Variants in PTPRT observed in about 807,000 individuals in gnomAD.
The protein encoded by PTPRT is receptor-type tyrosine-protein phosphatase T.
A neutral mutation model predicts 176.8 loss-of-function variants in PTPRT; 56 were observed. The observed-to-expected ratio is 0.32, with a 90% CI of 0.26 to 0.40. The LOEUF is 0.40. Among genes scored for constraint, PTPRT ranks in the 10% least tolerant of loss-of-function variants. The pLI is 1.00. For synonymous variants in PTPRT, 783 were observed against 739.0 expected (o/e 1.06, Z -0.96); for missense variants, 1,540 against 1,908.2 (o/e 0.81, Z 3.60).
chr20:43,055,342 C>T (rs1053817239), intron 1 of PTPRT, among the ~76,000 whole-genome samples: 5 of 152,194 alleles, frequency 3.3e-5, no homozygotes, highest in Non-Finnish European at 7.3e-5. Flanking sequence ...GCTTGGCCTC[C>T]TTCAGTTCCT....
rs80115076 is a variant in PTPRT, at chr20:42,203,339, G to A, written c.2343-3951C>T. ...TACCTCATTATTTTTCTCTCTCAAC[G>A]AAAGAGAAACCCAAATCTGTGAATA... On this transcript the variant is annotated intron_variant, in intron 15 of 30. Transcript: ENST00000373187. Among the ~76,000 whole-genome samples, 257 of 152,140 alleles carry A rather than the reference G, an allele frequency of 1.7e-3. 1 individual carries two copies. The highest frequency in any genetic ancestry group is 2.3e-3 in the Non-Finnish European group (159 of 67,994).
At chr20:43,093,144 A>T (rs1403617739) in intron 1 of PTPRT, among the ~76,000 whole-genome samples, 1 of 152,238 alleles carries the variant, frequency 6.6e-6, no homozygotes, top group Non-Finnish European at 1.5e-5. Context: ...AAAAACAAAC[A>T]TTAAAAGAAA....
At chr20:43,139,759 G>T (rs1003702600) in intron 1 of PTPRT, among the ~76,000 whole-genome samples, 1 of 152,300 alleles carries the variant, frequency 6.6e-6, no homozygotes. Flanking sequence ...AGAGCCCCAA[G>T]TTGGTGTTCC....
intron 9 of PTPRT, among the ~76,000 whole-genome samples, chr20:42,444,668 T>C (rs913123152): frequency 1.3e-5 from 2 of 152,186 alleles, no homozygotes; most frequent in African/African-American, 4.8e-5. Context: ...CCACAGACAA[T>C]CCTGAATTTC....
chr20:42,389,273 A>T, intron 9 of PTPRT, among the ~76,000 whole-genome samples: 1 of 146,858 alleles, frequency 6.8e-6, no homozygotes, highest in Non-Finnish European at 1.5e-5. Flanking sequence ...CTTAAAGTAT[A>T]AAAAAAAAAA....
intron 13 of PTPRT, among the ~76,000 whole-genome samples, chr20:42,269,753 C>A (rs768088264): frequency 7.9e-5 from 12 of 152,196 alleles, no homozygotes; most frequent in East Asian, 1.9e-4. Flanking sequence ...CGGTCTACAA[C>A]GTAAATGGTG....
intron 16 of PTPRT, among the ~76,000 whole-genome samples, chr20:42,185,769 A>G (rs992095990): frequency 1.3e-5 from 2 of 152,190 alleles, no homozygotes; most frequent in Non-Finnish European, 2.9e-5. Flanking sequence ...CCCATCTGTC[A>G]ACAAGAGTTT....
intron 29 of PTPRT, among the ~76,000 whole-genome samples, chr20:42,083,670 T>A (rs1242900427): frequency 6.6e-6 from 1 of 152,186 alleles, no homozygotes; most frequent in East Asian, 1.9e-4. Context: ...CTGAGGTCAG[T>A]CAGATGTTAT....
chr20:42,405,689 A>G (rs1043126127), intron 9 of PTPRT, among the ~76,000 whole-genome samples: 1 of 152,138 alleles, frequency 6.6e-6, no homozygotes, highest in Non-Finnish European at 1.5e-5. Flanking sequence ...ATGATTTATA[A>G]TCCTTTGGGT....
chr20:42,224,758 C>T (rs1197809911), intron 15 of PTPRT, among the ~76,000 whole-genome samples: 2 of 152,134 alleles, frequency 1.3e-5, no homozygotes, highest in African/African-American at 4.8e-5. Context: ...AGCTGAGTGC[C>T]CTCCCGCAAA....
intron 26 of PTPRT, among the ~76,000 whole-genome samples, chr20:42,101,552 G>A (rs1163152676): frequency 1.3e-5 from 2 of 152,148 alleles, no homozygotes; most frequent in African/African-American, 4.8e-5. Flanking sequence ...GAAAGTGGGG[G>A]GCAGTGGCCC....
the PTPRT span, among the ~76,000 whole-genome samples, chr20:42,036,918 G>A: frequency 6.6e-6 from 1 of 152,234 alleles, no homozygotes; most frequent in South Asian, 2.1e-4. Context: ...TAAAGAATCA[G>A]TGGGACTCCA....
Position 42,079,582 on chromosome 20 carries a change from T to C in PTPRT, c.*1297A>G, listed in dbSNP as rs1983115078. The stretch of plus-strand genomic sequence containing the variant: ...GCATACAGTAGAGACTTAGCAAATG[T>C]TGGTTCCCTCTCATTGACTCACTCA... On this transcript the variant is annotated 3_prime_UTR_variant, in exon 31 of 31. Transcript: ENST00000373187. 4.4e-6 allele frequency: 1 copy of C among 225,486 alleles called. No homozygotes were observed. Among genetic ancestry groups the C allele is most frequent in the Non-Finnish European group, 8.8e-6 (1 of 113,264 alleles). 14.0% of individuals were successfully genotyped at this position (225,486 alleles called of 1,614,324 possible).
At chr20:42,172,517 G>T (rs1277070097) in intron 16 of PTPRT, among the ~76,000 whole-genome samples, 1 of 152,174 alleles carries the variant, frequency 6.6e-6, no homozygotes, top group Non-Finnish European at 1.5e-5. Flanking sequence ...CATCACCTGG[G>T]TGCTAGCTTT....
Position 42,102,296 on chromosome 20 carries a change from G to T in PTPRT, c.3542C>A (p.Thr1181Asn). The change falls in exon 26 of 31, where the codon ACC becomes AAC. Residue 1181 changes from threonine to asparagine, a missense_variant and splice_region_variant. Thr to Asn is a moderately conservative substitution (Grantham distance 65). Coordinates refer to ENST00000373187, the MANE Select transcript of PTPRT (RefSeq NM_007050.6). The part of the protein sequence containing the change: ...NSSQIKDEFQ[T>N]LNIVTPRVRP... ...CACACGGGGTGTCACAATGTTGAGG[G>T]TCTGTGGGGCACAAAGGTGAATAGA... The T allele has an allele frequency of 2.5e-6, 4 of 1,613,548 alleles. No homozygotes were observed. Among genetic ancestry groups the T allele is most frequent in the Non-Finnish European group, 3.4e-6 (4 of 1,179,556 alleles).
At chr20:42,721,048 G>A (rs776080567) in intron 6 of PTPRT, among the ~76,000 whole-genome samples, 2 of 152,104 alleles carry the variant, frequency 1.3e-5, no homozygotes, top group Non-Finnish European at 2.9e-5. Flanking sequence ...GGGACAGAAC[G>A]AAGTGTTAGC....
At chr20:43,098,856 T>C (rs2012277621) in intron 1 of PTPRT, among the ~76,000 whole-genome samples, 1 of 152,198 alleles carries the variant, frequency 6.6e-6, no homozygotes, top group Non-Finnish European at 1.5e-5. Flanking sequence ...CAGAAACTTT[T>C]AAGTGGTTCT....
At chr20:42,817,175 T>G (rs1044772094) in intron 2 of PTPRT, among the ~76,000 whole-genome samples, 2 of 152,122 alleles carry the variant, frequency 1.3e-5, no homozygotes, top group African/African-American at 4.8e-5. Context: ...AGACAACATA[T>G]TAAGTTAATA....
chr20:42,453,291 A>C (rs1309606779), intron 8 of PTPRT, among the ~76,000 whole-genome samples: 2 of 152,126 alleles, frequency 1.3e-5, no homozygotes, highest in Admixed American at 1.3e-4. Flanking sequence ...TTTATCCAGT[A>C]AACTGTATAA....
Sources: gnomAD v4.1 joint callset for allele counts (sites outside exome capture counted in the v4.1 genomes callset) on GRCh38, gnomAD v4.1.1 for gene constraint, MANE v1.5 for transcripts, NCBI Gene and HGNC (gene_info 2026-07-23, HGNC 2026-07-21) for gene names.